The following CDH3 variants were observed in gnomAD, a reference collection of about 807,000 sequenced individuals.
The protein encoded by CDH3 is cadherin-3.
A neutral mutation model predicts 82.0 loss-of-function variants in CDH3; 54 were observed. The observed-to-expected ratio is 0.66, with a 90% CI of 0.53 to 0.83. The LOEUF (loss-of-function observed/expected upper bound fraction) is 0.83, where lower values mean the gene tolerates loss of function less well. Ranked by LOEUF, CDH3 falls within the 40% of genes least tolerant of loss-of-function variation. CDH3 has a pLI of 0.00. For synonymous variants in CDH3, 446 were observed against 437.9 expected, an observed-to-expected ratio of 1.02 and a Z score of -0.23; for missense variants, 1,054 against 1,084.6, an observed-to-expected ratio of 0.97 and a Z score of 0.40.
chr16:68,688,417 G>A (rs903385465), intron 12 of CDH3, among the ~76,000 whole-genome samples: 2 of 151,904 alleles, frequency 1.3e-5, no homozygotes, highest in African/African-American at 2.4e-5. Flanking sequence ...GTGAAACCCC[G>A]TCTCTACTAA....
At chr16:68,704,835 C>T (rs1961940690), downstream of CDH3, among the ~76,000 whole-genome samples, 1 of 152,196 alleles carries the variant, frequency 6.6e-6, no homozygotes, top group Admixed American at 6.5e-5. Flanking sequence ...TGGGAAAAAT[C>T]ATTTGAGCCC....
intron 13 of CDH3, among the ~76,000 whole-genome samples, chr16:68,694,322 A>G (rs1961649912): frequency 2.7e-5 from 4 of 149,992 alleles, no homozygotes; most frequent in Admixed American, 2.7e-4. Flanking sequence ...CAAAAAAAAA[A>G]AAAAAAAAAA....
intron 2 of CDH3, among the ~76,000 whole-genome samples, chr16:68,669,287 A>T (rs1960821900): frequency 6.6e-6 from 1 of 152,184 alleles, no homozygotes; most frequent in South Asian, 2.1e-4. Flanking sequence ...TATTCCTATC[A>T]GTCTGGACCA....
intron 12 of CDH3, 110 bp from the exon 13 acceptor site, chr16:68,691,610 T>G: frequency 1.2e-6 from 1 of 841,744 alleles, no homozygotes; most frequent in South Asian, 1.4e-5. Context: ...TGTGGAGTAT[T>G]TCTCTGCATT....
intron 2 of CDH3, among the ~76,000 whole-genome samples, chr16:68,723,522 A>G (rs1258828767): frequency 6.6e-6 from 1 of 152,224 alleles, no homozygotes; most frequent in Non-Finnish European, 1.5e-5. Flanking sequence ...CCTTCTAGCT[A>G]ACTGAGTCAT....
rs1228961184 is a variant in CDH3 at position 68,687,517 on chromosome 16, C to T, written c.1576C>T (p.Pro526Ser). The change falls in exon 12 of 16, where the codon CCT becomes TCT. Residue 526 changes from proline to serine, a missense_variant. Coordinates refer to ENST00000264012, the MANE Select transcript of CDH3 (RefSeq NM_001793.6). ...VMVLAMDNGS[P>S]PTTGTGTLLL... The stretch of plus-strand genomic sequence containing the variant: ...ATATGTGTCATTACAAACAGGAAGC[C>T]CTCCCACCACTGGCACGGGAACCCT... 1.9e-6 allele frequency: 3 copies of T among 1,613,776 alleles called. No homozygotes were observed. Among genetic ancestry groups the T allele is most frequent in the South Asian group, 1.1e-5 (1 of 91,080 alleles).
intron 2 of CDH3, among the ~76,000 whole-genome samples, chr16:68,653,835 G>C (rs973817835): frequency 6.7e-6 from 1 of 150,070 alleles, no homozygotes; most frequent in Non-Finnish European, 1.5e-5. Context: ...GACTACAGGC[G>C]CCCGCAACCA....
chr16:68,691,924 T>G lies in CDH3; in HGVS notation c.2000T>G (p.Leu667Arg). The G allele has an allele frequency of 6.2e-7, 1 of 1,611,286 alleles. No individual in the cohort carries two copies. Among genetic ancestry groups the G allele is most frequent in the Non-Finnish European group, 8.5e-7 (1 of 1,178,472 alleles). ...LPVLGAVLALLFLLLVLLLLV... is the reference protein window; with the variant it reads ...LPVLGAVLALRFLLLVLLLLV... ...GTGCTGGGGGCTGTCCTGGCTCTGC[T>G]GTGTGAGTACCAGGCCCCCACCCCC... is the stretch of plus-strand genomic sequence containing the variant. The change falls in exon 13 of 16, where the codon CTG (leucine) becomes CGG (arginine). Residue 667 changes from leucine (L) to arginine (R), a missense_variant and splice_region_variant. Physicochemically the swap from Leu to Arg is moderately radical, Grantham distance 102. Transcript: ENST00000264012.
At chr16:68,705,658 G>C (rs1037600838) in intron 1 of CDH3, among the ~76,000 whole-genome samples, 12 of 151,802 alleles carry the variant, frequency 7.9e-5, no homozygotes, top group African/African-American at 2.9e-4. Flanking sequence ...CTGACCTCAG[G>C]TGATCCACCT....
chr16:68,693,029 A>G (rs1961617811), intron 13 of CDH3, among the ~76,000 whole-genome samples: 2 of 151,574 alleles, frequency 1.3e-5, no homozygotes, highest in Admixed American at 6.6e-5. Flanking sequence ...ACTTGAACCC[A>G]GGAGATGGAG....
chr16:68,659,872 AT>A (rs1295708229), intron 2 of CDH3, among the ~76,000 whole-genome samples: 1 of 151,218 alleles, frequency 6.6e-6, no homozygotes, highest in Non-Finnish European at 1.5e-5. Context: ...GAATTGGACT[AT>A]ATCATGCATA....
At chr16:68,685,480 G>A (rs143809514) in intron 11 of CDH3, 130 bp downstream of exon 11, 309 of 913,208 alleles carry the variant, frequency 3.4e-4, no homozygotes, top group Middle Eastern at 6.3e-4. Flanking sequence ...CAATCCAGAC[G>A]GTCAAAGGGG....
chr16:68,687,279 G>A (rs1339995795), intron 11 of CDH3, among the ~76,000 whole-genome samples: 2 of 152,176 alleles, frequency 1.3e-5, no homozygotes, highest in Non-Finnish European at 2.9e-5. Context: ...GTTTCGCCTT[G>A]TGGTTATAGT....
chr16:68,683,214 C>T (rs1961279352), intron 9 of CDH3, among the ~76,000 whole-genome samples: 1 of 152,152 alleles, frequency 6.6e-6, no homozygotes, highest in South Asian at 2.1e-4. Flanking sequence ...ATTTTAAAGA[C>T]TGGGGTTTGC....
chr16:68,684,321 C>T (rs183765253), intron 9 of CDH3, among the ~76,000 whole-genome samples: 2 of 152,294 alleles, frequency 1.3e-5, no homozygotes, highest in Admixed American at 6.5e-5. Context: ...CCCCAGTTTT[C>T]TCAAACATCA....
chr16:68,682,349 G>A lies in CDH3; in HGVS notation c.1044G>A (p.Arg348=). 1 of 1,614,034 alleles carries A rather than the reference G, an allele frequency of 6.2e-7. No homozygotes were observed. The highest frequency in any genetic ancestry group is 8.5e-7 in the Non-Finnish European group (1 of 1,180,022). ...PENAVGHEVQ[R]LTVTDLDAPN... ...ATGCAGTGGGCCATGAGGTGCAGAG[G>A]CTGACGGTCACTGATCTGGACGCCC... The change falls in exon 9 of 16, where the codon AGG becomes AGA. Residue 348 remains arginine, a synonymous_variant. Coordinates refer to ENST00000264012, the MANE Select transcript of CDH3 (RefSeq NM_001793.6).
At chr16:68,695,985 G>A (rs747320274) in intron 15 of CDH3, 62 bp downstream of exon 15, 2 of 1,577,714 alleles carry the variant, frequency 1.3e-6, no homozygotes, top group Non-Finnish European at 1.7e-6. Context: ...AGCCACACAG[G>A]AGAACAAGCA....
At chr16:68,732,213 C>T (rs1166633122), downstream of CDH3, among the ~76,000 whole-genome samples, 1 of 152,084 alleles carries the variant, frequency 6.6e-6, no homozygotes, top group Non-Finnish European at 1.5e-5. Context: ...GCCTCCTCTA[C>T]CCTACCTAGC....
intron 2 of CDH3, among the ~76,000 whole-genome samples, chr16:68,661,044 C>T (rs1185896056): frequency 6.6e-6 from 1 of 151,770 alleles, no homozygotes; most frequent in Non-Finnish European, 1.5e-5. Flanking sequence ...CATATGAATA[C>T]ATGTGAAGTG....
Sources: gnomAD v4.1 joint callset for allele counts (sites outside exome capture counted in the v4.1 genomes callset) on GRCh38, gnomAD v4.1.1 for gene constraint, MANE v1.5 for transcripts, NCBI Gene and HGNC (gene_info 2026-07-23, HGNC 2026-07-21) for gene names.